Variants in MYO1E observed in about 807,000 individuals in gnomAD.
MYO1E encodes the protein myosin IE.
In MYO1E, 68 loss-of-function variants were observed where a neutral mutation model predicts 151.1. The observed-to-expected ratio is 0.45, with a 90% CI of 0.37 to 0.55. MYO1E has a LOEUF of 0.55. Ranked by LOEUF, MYO1E falls within the 20% of genes least tolerant of loss-of-function variation. MYO1E has a pLI of 0.00. For synonymous variants in MYO1E, 601 were observed against 501.7 expected (o/e 1.20, Z -2.64); for missense variants, 1,363 against 1,389.3 (o/e 0.98, Z 0.30).
At chr15:59,157,847 C>A (rs746826886) in intron 25 of MYO1E, among the ~76,000 whole-genome samples, 1 of 152,196 alleles carries the variant, frequency 6.6e-6, no homozygotes, top group East Asian at 1.9e-4. Flanking sequence ...CCCCACTGGG[C>A]GTCTTGGAAT....
chr15:59,229,820 T>C (rs1329187101), intron 6 of MYO1E, among the ~76,000 whole-genome samples: 2 of 152,188 alleles, frequency 1.3e-5, no homozygotes, highest in Non-Finnish European at 2.9e-5. Context: ...CTGTCATAGA[T>C]GTCAAACTTT....
chr15:59,239,644 T>C (rs764871848), intron 4 of MYO1E, among the ~76,000 whole-genome samples: 6 of 152,202 alleles, frequency 3.9e-5, no homozygotes, highest in Non-Finnish European at 8.8e-5. Flanking sequence ...GTAGCTCTTT[T>C]AATATATCAA....
At chr15:59,264,624 C>A (rs1367113003) in intron 2 of MYO1E, among the ~76,000 whole-genome samples, 2 of 152,148 alleles carry the variant, frequency 1.3e-5, no homozygotes, top group Admixed American at 6.5e-5. Context: ...AAATTGGCAG[C>A]CTCTTCTAAC....
intron 1 of MYO1E, among the ~76,000 whole-genome samples, chr15:59,297,971 T>A (rs1340755908): frequency 6.6e-6 from 1 of 152,192 alleles, no homozygotes; most frequent in African/African-American, 2.4e-5. Flanking sequence ...ATACTTAGAT[T>A]CATCTTTCAC....
intron 17 of MYO1E, 77 bp from the exon 18 acceptor site, chr15:59,188,293 G>GC (rs2140325774): frequency 8.7e-7 from 1 of 1,146,538 alleles, no homozygotes; most frequent in African/African-American, 1.5e-5. Context: ...CAACCCCCAA[G>GC]CCCCCAGTTC....
intron 3 of MYO1E, among the ~76,000 whole-genome samples, chr15:59,258,673 G>A (rs1345694719): frequency 6.6e-6 from 1 of 152,144 alleles, no homozygotes; most frequent in Non-Finnish European, 1.5e-5. Flanking sequence ...GCAACATAGT[G>A]AGACCTCCTC....
At chr15:59,164,745 C>T (rs1350969860) in intron 22 of MYO1E, among the ~76,000 whole-genome samples, 1 of 152,178 alleles carries the variant, frequency 6.6e-6, no homozygotes, top group Admixed American at 6.5e-5. Context: ...TCTTGGGGGA[C>T]TATCTCAGGC....
Position 59,178,459 on chromosome 15 carries a change from C to A in MYO1E, c.1983G>T (p.Ser661=). ...GGAACTGGTCGCTGTCCATGTTGAC[C>A]GACTGCAGCAGGTGCAGGACGCCTT... ...EKQGVLHLLQ[S]VNMDSDQFQL... The change falls in exon 19 of 28, where the codon TCG becomes TCT. Residue 661 remains serine (S), a synonymous_variant. Coordinates refer to ENST00000288235, the MANE Select transcript of MYO1E (RefSeq NM_004998.4). 1 of 1,614,180 alleles carries A rather than the reference C, an allele frequency of 6.2e-7. No individual in the cohort carries two copies.
intron 1 of MYO1E, among the ~76,000 whole-genome samples, chr15:59,287,441 C>A (rs952627024): frequency 6.6e-6 from 1 of 152,190 alleles, no homozygotes; most frequent in Admixed American, 6.5e-5. Context: ...GCAATAAAAA[C>A]CAATTTGGAA....
chr15:59,311,335 C>T lies in MYO1E; in HGVS notation c.4-38886G>A, dbSNP rs145066473. 9.3e-3 allele frequency among the ~76,000 whole-genome samples: 1,419 copies of T among 152,164 alleles called. 26 individuals are homozygous for T. The highest frequency in any genetic ancestry group is 0.032 in the African/African-American group (1,332 of 41,500). Reference sequence around the variant, plus strand: ...ACACGTCACCTAGGTCCCTCACATGCGCAGTTCATAACAGGGTTCGGGCTC... The same window carrying T: ...ACACGTCACCTAGGTCCCTCACATGTGCAGTTCATAACAGGGTTCGGGCTC... On this transcript the variant is annotated intron_variant, in intron 1 of 27. Coordinates refer to ENST00000288235, the MANE Select transcript of MYO1E (RefSeq NM_004998.4).
At chr15:59,314,600 G>A (rs2080574184) in intron 1 of MYO1E, among the ~76,000 whole-genome samples, 1 of 151,934 alleles carries the variant, frequency 6.6e-6, no homozygotes, top group African/African-American at 2.4e-5. Context: ...CAGTGGCTTA[G>A]GCTCATTATA....
intron 10 of MYO1E, among the ~76,000 whole-genome samples, chr15:59,216,083 A>G (rs1483821983): frequency 1.3e-5 from 2 of 152,086 alleles, no homozygotes. Flanking sequence ...CCCTACTCTA[A>G]CCACACTAAC....
At chr15:59,253,901 CT>C (rs34819314) in intron 4 of MYO1E, among the ~76,000 whole-genome samples, 152 of 135,814 alleles carry the variant, frequency 1.1e-3, no homozygotes, top group East Asian at 1.7e-3. Context: ...GACAAACAAC[CT>C]TTTTTTTTTT....
At chr15:59,149,274 T>G (rs1265972990) in intron 26 of MYO1E, among the ~76,000 whole-genome samples, 3 of 152,088 alleles carry the variant, frequency 2.0e-5, no homozygotes, top group Non-Finnish European at 4.4e-5. Context: ...ATCAGGATGG[T>G]CTTGATCTCC....
At chr15:59,368,192 A>G (rs147074357) in intron 1 of MYO1E, among the ~76,000 whole-genome samples, 93 of 152,364 alleles carry the variant, frequency 6.1e-4, no homozygotes, top group African/African-American at 1.9e-3. Context: ...GAAAAACAAG[A>G]TAATTTGGTA....
intron 1 of MYO1E, among the ~76,000 whole-genome samples, chr15:59,349,497 T>C (rs1211139815): frequency 2.0e-5 from 3 of 152,074 alleles, no homozygotes; most frequent in Non-Finnish European, 4.4e-5. Context: ...TCACAAACCT[T>C]CTTTAAATTA....
At chr15:59,217,437 C>A (rs1168652160) in intron 10 of MYO1E, among the ~76,000 whole-genome samples, 1 of 145,062 alleles carries the variant, frequency 6.9e-6, no homozygotes, top group Non-Finnish European at 1.5e-5. Context: ...ATTCAGTAAT[C>A]ACAGAGTGAG....
At chr15:59,234,548 G>C (rs2080050361) in intron 5 of MYO1E, among the ~76,000 whole-genome samples, 2 of 152,164 alleles carry the variant, frequency 1.3e-5, no homozygotes, top group South Asian at 4.1e-4. Context: ...GGCCAGACAT[G>C]GTGGCTCATG....
At chr15:59,266,995 T>C (rs2080259194) in intron 2 of MYO1E, 1 of 146,618 alleles carries the variant, frequency 6.8e-6, no homozygotes, top group Non-Finnish European at 1.5e-5. Flanking sequence ...TATTAGGCAA[T>C]GCTAAGAGTT....
Sources: allele counts gnomAD v4.1 joint callset (sites outside exome capture counted in the v4.1 genomes callset), GRCh38; gene constraint gnomAD v4.1.1; transcripts MANE v1.5; gene names NCBI Gene and HGNC (gene_info 2026-07-23, HGNC 2026-07-21).